The following ADGRG4 variants were observed in gnomAD, a reference collection of about 807,000 sequenced individuals.
ADGRG4 encodes adhesion G protein-coupled receptor G4, also known as G protein-coupled receptor 112.
ADGRG4 carries 122 observed loss-of-function variants against 126.2 expected under a neutral mutation model. The observed-to-expected ratio is 0.97, with a 90% CI of 0.83 to 1.12. The LOEUF (loss-of-function observed/expected upper bound fraction) is 1.12. Ranked by LOEUF, ADGRG4 falls within the 50% of genes most tolerant of loss-of-function variation. The pLI is 0.00. For synonymous variants in ADGRG4, 943 were observed against 838.7 expected (o/e 1.12, Z -2.15); for missense variants, 2,481 against 2,251.8 (o/e 1.10, Z -2.06).
chrX:136,301,557 A>G (rs1351907097), intron 1 of ADGRG4, among the ~76,000 whole-genome samples: 2 of 111,833 alleles, frequency 1.8e-5, no homozygotes, highest in Non-Finnish European at 3.8e-5. Flanking sequence ...CTCTGATGGT[A>G]GTTTCTTTTG....
Position 136,361,518 on chromosome X carries a change from T to G in ADGRG4, c.7208T>G (p.Leu2403Ter). The G allele has an allele frequency of 8.4e-7, 1 of 1,188,447 alleles. No homozygotes were observed. The highest frequency in any genetic ancestry group is 3.0e-5 in the East Asian group (1 of 33,488). The change falls in exon 12 of 26, where the codon TTA becomes TGA. Residue 2403 changes from leucine to a stop codon, truncating the protein, a stop_gained. Transcript: ENST00000394143. LOFTEE classifies it high-confidence loss of function. ...TACAAAGGGACCTATAAGTGGCTAT[T>G]AACCAACCCTACGGAGACAGCCCAA... ...SKYKGTYKWL[L>*]TNPTETAQTR...
rs2075074581 is a variant in ADGRG4 at position 136,353,341 on chromosome X, A to T, written c.6827A>T (p.Asn2276Ile). 1 of 1,183,979 alleles carries T rather than the reference A, an allele frequency of 8.4e-7. No individual in the cohort carries two copies. Among genetic ancestry groups the T allele is most frequent in the African/African-American group, 1.8e-5 (1 of 57,094 alleles). Reference sequence around the variant, plus strand: ...ATTTTTTTTTGTCTTGTACAGTTGAATTCTATATTTCAGAACAGTGAATTT... The same window carrying T: ...ATTTTTTTTTGTCTTGTACAGTTGATTTCTATATTTCAGAACAGTGAATTT... ...VINEFTENSL[N>I]SIFQNSEFSL... Residue 2276 changes from asparagine (N) to isoleucine (I), a missense_variant, in exon 8 of 26, where the codon AAT becomes ATT. Asn to Ile is a moderately radical substitution (Grantham distance 149, BLOSUM62 -3). Transcript: ENST00000394143.
Position 136,392,243 on chromosome X carries a change from C to A in ADGRG4, c.7923C>A (p.Val2641=). Residue 2641 remains valine (V), a synonymous_variant, in exon 17 of 26, where the codon GTC becomes GTA. Transcript: ENST00000394143. ...GQTSLFKTKN[V]TKALTTYVVS... ...TGTTTCATCTGCAGACCAAAAATGT[C>A]ACTAAAGCATTAACCACCTATGTTG... 1 of 1,159,613 alleles carries A rather than the reference C, an allele frequency of 8.6e-7. No individual in the cohort carries two copies.
chrX:136,346,697 A>G lies in ADGRG4; in HGVS notation c.2991A>G (p.Pro997=). 1 of 1,210,472 alleles carries G rather than the reference A, an allele frequency of 8.3e-7. No individual in the cohort carries two copies. Among genetic ancestry groups the G allele is most frequent in the Non-Finnish European group, 1.1e-6 (1 of 894,863 alleles). The change falls in exon 6 of 26, where the codon CCA becomes CCG. Residue 997 remains proline, a synonymous_variant. Coordinates refer to ENST00000394143, the MANE Select transcript of ADGRG4 (RefSeq NM_153834.4). ...CCTTGTCTGATGGTATCTTACCTCCACAGCCTACAGCTGCTCATTCCTCAG... is the reference window on the plus strand; with the variant it reads ...CCTTGTCTGATGGTATCTTACCTCCGCAGCCTACAGCTGCTCATTCCTCAG... The part of the protein sequence containing the change: ...ATSLSDGILP[P]QPTAAHSSAT...
chrX:136,337,244 C>G, intron 5 of ADGRG4, among the ~76,000 whole-genome samples: 1 of 111,982 alleles, frequency 8.9e-6, no homozygotes, highest in Admixed American at 9.4e-5. Flanking sequence ...TCTAGGATTA[C>G]AGACATGAGC....
At chrX:136,370,657 A>G (rs1328039124) in intron 13 of ADGRG4, among the ~76,000 whole-genome samples, 1 of 112,025 alleles carries the variant, frequency 8.9e-6, no homozygotes, top group Non-Finnish European at 1.9e-5. Context: ...GGGTTGGGGA[A>G]AAGGTGAGTG....
chrX:136,335,515 C>T lies in ADGRG4; in HGVS notation c.686-8877C>T, dbSNP rs747823922. On this transcript the variant is annotated intron_variant, in intron 5 of 25. Transcript: ENST00000394143. ...GGGCCTGGAGATTATTTTGTGAAGG[C>T]TTTTAAATTAGTAGTTCAATTTCTT... is the stretch of plus-strand genomic sequence containing the variant. Among the ~76,000 whole-genome samples, 13 of 110,896 alleles carry T rather than the reference C, an allele frequency of 1.2e-4. No individual in the cohort carries two copies. In the East Asian group the frequency reaches 3.4e-3, roughly 29 times the overall value.
intron 8 of ADGRG4, 50 bp downstream of exon 8, chrX:136,353,451 TGG>T: frequency 1.1e-6 from 1 of 889,469 alleles, no homozygotes; most frequent in Non-Finnish European, 1.7e-6. Flanking sequence ...GAGGGCATTT[TGG>T]GTCTGTTCCT....
rs183614997 is a variant in ADGRG4, at chrX:136,347,975, A to G, written c.4269A>G (p.Ser1423=). The part of the protein sequence containing the change: ...TSFVDTTTSS[S]TRISNPMDIN... ...TTGTAGATACCACAACTTCCAGCTCAACAAGGATATCAAATCCTATGGACA... is the reference window on the plus strand; with the variant it reads ...TTGTAGATACCACAACTTCCAGCTCGACAAGGATATCAAATCCTATGGACA... Residue 1423 remains serine (S), a synonymous_variant, in exon 6 of 26, where the codon TCA becomes TCG. Coordinates refer to ENST00000394143, the MANE Select transcript of ADGRG4 (RefSeq NM_153834.4). The G allele has an allele frequency of 3.4e-4, 414 of 1,208,549 alleles. 2 individuals carry two copies. The Admixed American group carries it at 9.0e-3, about 26-fold the overall frequency.
At position 136,331,982 on chromosome X, in the gene ADGRG4, A is replaced by G. The variant is rs188329910; in HGVS notation, c.685+8590A>G. Among the ~76,000 whole-genome samples the G allele has an allele frequency of 1.5e-4, 16 of 107,869 alleles. No individual in the cohort carries two copies. The East Asian group carries it at 4.1e-3, about 27-fold the overall frequency. 93.7% of individuals were successfully genotyped at this position (107,869 alleles called of 115,157 possible). A position where few individuals can be genotyped will look rare whatever the true frequency, so the allele number is the denominator to read the frequency against. On this transcript the variant is annotated intron_variant, in intron 5 of 25. Transcript: ENST00000394143. Reference sequence around the variant, plus strand: ...CAGGCGCCCACCAACACGCCCGACTAATTTTTTGTATTTTTTTTTAATTTT... The same window carrying G: ...CAGGCGCCCACCAACACGCCCGACTGATTTTTTGTATTTTTTTTTAATTTT...
chrX:136,332,773 T>A (rs1287080996), intron 5 of ADGRG4, among the ~76,000 whole-genome samples: 2 of 106,270 alleles, frequency 1.9e-5, no homozygotes, highest in Non-Finnish European at 3.9e-5. Context: ...TGAGCATTTT[T>A]TCATGTGTTT....
intron 9 of ADGRG4, among the ~76,000 whole-genome samples, chrX:136,356,620 C>T (rs1056981482): frequency 6.3e-5 from 7 of 111,965 alleles, no homozygotes; most frequent in Non-Finnish European, 9.4e-5. Context: ...TACAATAGCA[C>T]ACTCTAAAAT....
chrX:136,341,642 G>T (rs1226516039), intron 5 of ADGRG4, among the ~76,000 whole-genome samples: 1 of 112,219 alleles, frequency 8.9e-6, no homozygotes, highest in Non-Finnish European at 1.9e-5. Flanking sequence ...TGCATCTGTG[G>T]TAATTGGAAA....
chrX:136,362,899 T>C (rs1313102815), intron 12 of ADGRG4, among the ~76,000 whole-genome samples: 1 of 111,415 alleles, frequency 9.0e-6, no homozygotes, highest in Middle Eastern at 4.2e-3. Context: ...ACAAGTTCCT[T>C]GAGGGAGGGA....
chrX:136,374,451 A>T (rs2075213552), intron 15 of ADGRG4, among the ~76,000 whole-genome samples: 1 of 110,698 alleles, frequency 9.0e-6, no homozygotes. Context: ...ATTTTTTGAG[A>T]TGGAGTCTCA....
chrX:136,345,019 T>C lies in ADGRG4; in HGVS notation c.1313T>C (p.Ile438Thr). The change falls in exon 6 of 26, where the codon ATT (isoleucine) becomes ACT (threonine). Residue 438 changes from isoleucine (I) to threonine (T), a missense_variant. By Grantham distance (89) the Ile-to-Thr change is moderately conservative. Transcript: ENST00000394143. ...ATCTCCACAGCTGGCCAGGAGTTCA[T>C]TGAATCTACAGCTGCCGGAACTGTA... ...LPISTAGQEF[I>T]ESTAAGTVPW... 2.5e-6 allele frequency: 3 copies of C among 1,211,710 alleles called. No homozygotes were observed. Among genetic ancestry groups the C allele is most frequent in the Non-Finnish European group, 3.4e-6 (3 of 895,358 alleles).
chrX:136,320,792 G>A (rs751566791), intron 4 of ADGRG4, among the ~76,000 whole-genome samples: 12 of 110,034 alleles, frequency 1.1e-4, no homozygotes, highest in Non-Finnish European at 1.7e-4. Flanking sequence ...GGTGGCATGC[G>A]CCTGTGGTTC....
intron 5 of ADGRG4, among the ~76,000 whole-genome samples, chrX:136,331,131 A>G (rs896203368): frequency 8.1e-5 from 9 of 111,528 alleles, no homozygotes; most frequent in Non-Finnish European, 1.3e-4. Context: ...ATTTCACTTA[A>G]CATAATGACT....
chrX:136,319,537 T>C (rs1249549735), intron 4 of ADGRG4, among the ~76,000 whole-genome samples: 1 of 111,911 alleles, frequency 8.9e-6, no homozygotes, highest in Non-Finnish European at 1.9e-5. Flanking sequence ...GACACTGTGC[T>C]GAGAGCTTTC....
Sources: allele counts gnomAD v4.1 joint callset (sites outside exome capture counted in the v4.1 genomes callset), GRCh38; gene constraint gnomAD v4.1.1; transcripts MANE v1.5; gene names NCBI Gene and HGNC (gene_info 2026-07-23, HGNC 2026-07-21).